The following CTSC variants were observed in gnomAD, a reference collection of about 807,000 sequenced individuals.
CTSC encodes the protein cathepsin C.
CTSC carries 37 observed loss-of-function variants against 40.9 expected under a neutral mutation model. That is an observed-to-expected ratio of 0.91 (90% CI 0.70 to 1.19). The LOEUF is 1.19. Among genes scored for constraint, CTSC ranks in the 50% most tolerant of loss-of-function variants. The probability of loss-of-function intolerance (pLI) is 0.00; values close to 1 mark genes in which losing one functional copy is unlikely to be tolerated. For missense variants in CTSC, 594 were observed against 567.3 expected, an observed-to-expected ratio of 1.05 and a Z score of -0.48; for synonymous variants, 232 against 207.4, an observed-to-expected ratio of 1.12 and a Z score of -1.02.
chr11:88,302,019 T>C (rs1359237921), intron 4 of CTSC, among the ~76,000 whole-genome samples: 1 of 152,136 alleles, frequency 6.6e-6, no homozygotes, highest in Non-Finnish European at 1.5e-5. Flanking sequence ...GCTCATAAAG[T>C]AGCCTCCACT....
At chr11:88,329,549 A>T (rs1215101104) in intron 2 of CTSC, among the ~76,000 whole-genome samples, 1 of 150,772 alleles carries the variant, frequency 6.6e-6, no homozygotes, top group Non-Finnish European at 1.5e-5. Flanking sequence ...GTCTCTGGGC[A>T]ATTTGGTGGA....
chr11:88,304,076 A>G (rs1937608669), intron 4 of CTSC, among the ~76,000 whole-genome samples: 1 of 152,084 alleles, frequency 6.6e-6, no homozygotes, highest in South Asian at 2.1e-4. Context: ...AAACCTAAGA[A>G]TATACTAATA....
Position 88,293,853 on chromosome 11 carries a change from A to G in CTSC, c.*153T>C. 1.1e-6 allele frequency: 1 copy of G among 925,388 alleles called. No individual in the cohort carries two copies. Among genetic ancestry groups the G allele is most frequent in the Non-Finnish European group, 1.7e-6 (1 of 602,406 alleles). 57.3% of individuals were successfully genotyped at this position (925,388 alleles called of 1,614,324 possible). A position where few individuals can be genotyped will look rare whatever the true frequency, so the allele number is the denominator to read the frequency against. On this transcript the variant is annotated 3_prime_UTR_variant, in exon 7 of 7. Transcript: ENST00000227266. Reference sequence around the variant, plus strand: ...CAGTGGCCGATTGAAAGGTATATTAAAATTAAGGGCAGTTTTAATTCTGAA... The same window carrying G: ...CAGTGGCCGATTGAAAGGTATATTAGAATTAAGGGCAGTTTTAATTCTGAA...
chr11:88,309,779 G>A (rs547564379), intron 3 of CTSC, among the ~76,000 whole-genome samples: 5 of 146,056 alleles, frequency 3.4e-5, no homozygotes, highest in African/African-American at 7.6e-5. Flanking sequence ...GTATATTAAC[G>A]TATATGTATA....
intron 2 of CTSC, among the ~76,000 whole-genome samples, chr11:88,331,220 C>T (rs1317384022): frequency 6.6e-6 from 1 of 152,136 alleles, no homozygotes; most frequent in Admixed American, 6.5e-5. Flanking sequence ...TGCTACCTAC[C>T]AGGAGACAGT....
At chr11:88,324,777 TC>T in intron 2 of CTSC, 1 of 985,380 alleles carries the variant, frequency 1.0e-6, no homozygotes, top group Non-Finnish European at 1.2e-6. Flanking sequence ...GGGGAGGGTT[TC>T]AGAGAGCAGC....
At chr11:88,325,079 C>T in intron 2 of CTSC, 1 of 979,018 alleles carries the variant, frequency 1.0e-6, no homozygotes. Context: ...TTCAGGCTTA[C>T]CAAAGCTGAA....
intron 4 of CTSC, among the ~76,000 whole-genome samples, chr11:88,304,142 G>C (rs997582662): frequency 6.6e-6 from 1 of 152,120 alleles, no homozygotes; most frequent in Non-Finnish European, 1.5e-5. Flanking sequence ...CAGGGCATAT[G>C]ATTTTATCAC....
At chr11:88,304,509 T>G (rs991509243) in intron 4 of CTSC, among the ~76,000 whole-genome samples, 1 of 152,138 alleles carries the variant, frequency 6.6e-6, no homozygotes, top group African/African-American at 2.4e-5. Flanking sequence ...GTGTGAGAAC[T>G]GAGGCTTAAT....
At chr11:88,303,137 T>A (rs1346518226) in intron 4 of CTSC, among the ~76,000 whole-genome samples, 1 of 152,060 alleles carries the variant, frequency 6.6e-6, no homozygotes, top group Non-Finnish European at 1.5e-5. Context: ...GAAACTCAAT[T>A]TTTTTTTAAT....
Position 88,294,248 on chromosome 11 carries a change from T to A in CTSC, c.1150A>T (p.Lys384Ter). The A allele has an allele frequency of 1.9e-6, 3 of 1,614,070 alleles. No homozygotes were observed. The highest frequency in any genetic ancestry group is 3.3e-5 in the Admixed American group (2 of 59,994). The change falls in exon 7 of 7, where the codon AAA (lysine) becomes TAA (stop). Residue 384 changes from lysine (K) to a stop codon, truncating the protein, a stop_gained. Coordinates refer to ENST00000227266, the MANE Select transcript of CTSC (RefSeq NM_001814.6). LOFTEE classifies it high-confidence loss of function. ...FEVYDDFLHY[K>*]KGIYHHTGLR... The stretch of plus-strand genomic sequence containing the variant: ...CCAGTGTGGTGGTAGATCCCCTTTT[T>A]GTAGTGGAGGAAGTCATCATATACT...
chr11:88,295,812 A>G (rs1944292377), intron 6 of CTSC, among the ~76,000 whole-genome samples: 1 of 152,192 alleles, frequency 6.6e-6, no homozygotes, highest in Admixed American at 6.5e-5. Context: ...TCAAATTATT[A>G]GAAAAATTTC....
chr11:88,326,091 T>C (rs1938175002), intron 2 of CTSC: 2 of 1,238,962 alleles, frequency 1.6e-6, no homozygotes, highest in Non-Finnish European at 2.0e-6. Context: ...CAACGTGTTG[T>C]ATATTGTTCC....
At chr11:88,295,245 G>C (rs1944285234) in intron 6 of CTSC, among the ~76,000 whole-genome samples, 1 of 152,190 alleles carries the variant, frequency 6.6e-6, no homozygotes, top group Non-Finnish European at 1.5e-5. Context: ...AGTTTCACTA[G>C]TGAGCTGGGA....
intron 2 of CTSC, among the ~76,000 whole-genome samples, chr11:88,314,498 C>T (rs1413230150): frequency 6.6e-6 from 1 of 152,056 alleles, no homozygotes; most frequent in Non-Finnish European, 1.5e-5. Context: ...TACTCATATC[C>T]GCATCTTGCT....
intron 2 of CTSC, chr11:88,321,790 C>T (rs1938020743): frequency 6.6e-6 from 1 of 151,960 alleles, no homozygotes; most frequent in Non-Finnish European, 1.5e-5. Context: ...TCCTTTGGGT[C>T]TATATGCAGT....
intron 2 of CTSC, chr11:88,324,962 G>T: frequency 1.0e-6 from 1 of 985,254 alleles, no homozygotes; most frequent in East Asian, 1.1e-4. Context: ...TGAATCAACA[G>T]AGTAAGGATG....
chr11:88,303,820 T>C (rs902219606), intron 4 of CTSC, among the ~76,000 whole-genome samples: 1 of 152,100 alleles, frequency 6.6e-6, no homozygotes, highest in African/African-American at 2.4e-5. Context: ...ACACAGGACA[T>C]CTTTGGAAAT....
At chr11:88,316,368 G>A (rs1937877365) in intron 2 of CTSC, among the ~76,000 whole-genome samples, 1 of 151,978 alleles carries the variant, frequency 6.6e-6, no homozygotes, top group Non-Finnish European at 1.5e-5. Flanking sequence ...CAGCACTTTG[G>A]AACGCCGAGG....
Sources: gnomAD v4.1 joint callset for allele counts (sites outside exome capture counted in the v4.1 genomes callset) on GRCh38, gnomAD v4.1.1 for gene constraint, MANE v1.5 for transcripts, NCBI Gene and HGNC (gene_info 2026-07-23, HGNC 2026-07-21) for gene names.